The following CSMD1 variants were observed in gnomAD, a reference collection of about 807,000 sequenced individuals.
CSMD1 encodes CUB and sushi domain-containing protein 1.
A neutral mutation model predicts 417.5 loss-of-function variants in CSMD1; 213 were observed. The observed-to-expected ratio is 0.51, with a 90% CI of 0.46 to 0.57. The LOEUF is 0.57. CSMD1 is among the 20% of genes least tolerant of loss of function. The pLI, the probability that CSMD1 is intolerant of heterozygous loss-of-function variation, is 0.00. For synonymous variants in CSMD1, 2,862 were observed against 1,736.8 expected (o/e 1.65, Z -16.11); for missense variants, 6,923 against 4,529.7 (o/e 1.53, Z -15.17).
At chr8:3,543,747 G>A (rs1798540947) in intron 10 of CSMD1, among the ~76,000 whole-genome samples, 1 of 152,178 alleles carries the variant, frequency 6.6e-6, no homozygotes, top group South Asian at 2.1e-4. Context: ...TGAGATGTCT[G>A]TTGGACACTT....
intron 7 of CSMD1, among the ~76,000 whole-genome samples, chr8:3,644,458 C>A (rs562194081): frequency 1.4e-4 from 22 of 152,240 alleles, no homozygotes; most frequent in African/African-American, 5.3e-4. Flanking sequence ...GAAAAGAGAG[C>A]AACTCTATGT....
intron 3 of CSMD1, among the ~76,000 whole-genome samples, chr8:4,092,179 C>G (rs893749383): frequency 1.3e-5 from 2 of 152,126 alleles, no homozygotes; most frequent in African/African-American, 4.8e-5. Flanking sequence ...ATTTCAAAAT[C>G]CATTGAAATT....
At chr8:4,252,179 G>A (rs555102399) in intron 3 of CSMD1, among the ~76,000 whole-genome samples, 1 of 152,210 alleles carries the variant, frequency 6.6e-6, no homozygotes, top group African/African-American at 2.4e-5. Flanking sequence ...GCTGGGGTGG[G>A]GAGATGGATA....
intron 3 of CSMD1, among the ~76,000 whole-genome samples, chr8:4,199,387 G>T (rs1389204820): frequency 1.3e-5 from 2 of 152,118 alleles, no homozygotes; most frequent in African/African-American, 4.8e-5. Context: ...ATAGTGTGGT[G>T]GAGTGAAAAG....
chr8:4,275,838 T>C (rs1796454140), intron 3 of CSMD1, among the ~76,000 whole-genome samples: 1 of 152,230 alleles, frequency 6.6e-6, no homozygotes, highest in East Asian at 1.9e-4. Flanking sequence ...GATATTGTTA[T>C]ATTTTATATG....
intron 20 of CSMD1, among the ~76,000 whole-genome samples, chr8:3,365,195 G>C (rs115515968): frequency 9.2e-4 from 140 of 152,322 alleles, no homozygotes; most frequent in African/African-American, 3.2e-3. Flanking sequence ...AAAGTGGCAA[G>C]TTTCATGATT....
At chr8:3,233,801 C>A (rs946138769) in intron 26 of CSMD1, among the ~76,000 whole-genome samples, 1 of 152,140 alleles carries the variant, frequency 6.6e-6, no homozygotes, top group African/African-American at 2.4e-5. Flanking sequence ...TGAAGGTACA[C>A]CCATCCAGAG....
At chr8:3,874,205 C>G (rs1050749587) in intron 5 of CSMD1, among the ~76,000 whole-genome samples, 9 of 152,090 alleles carry the variant, frequency 5.9e-5, no homozygotes, top group African/African-American at 1.4e-4. Flanking sequence ...ATGGAGAAGA[C>G]CTTCCTAACC....
rs1797659360 is a variant in CSMD1 at position 3,212,332 on chromosome 8, C to T, written c.4867+2165G>A. 2.0e-5 allele frequency among the ~76,000 whole-genome samples: 3 copies of T among 152,118 alleles called. No individual in the cohort carries two copies. In the South Asian group the frequency reaches 6.2e-4, roughly 32 times the overall value. On this transcript the variant is annotated intron_variant, in intron 30 of 69. Transcript: ENST00000635120. ...TAGAAAGGACTGATGCATAACCTGG[C>T]CTATGATCACGATTTTAAAACACAA...
chr8:4,389,417 C>T (rs190730038), intron 3 of CSMD1, among the ~76,000 whole-genome samples: 260 of 152,064 alleles, frequency 1.7e-3, no homozygotes, highest in South Asian at 3.1e-3. Context: ...TAGAAACATA[C>T]GAAAATCTCA....
intron 33 of CSMD1, 29 bp from the exon 34 acceptor site, chr8:3,190,144 C>T (rs1796325035): frequency 6.5e-7 from 1 of 1,542,346 alleles, no homozygotes; most frequent in South Asian, 1.2e-5. Context: ...ACACAGCCGT[C>T]TGTATCTCCA....
chr8:3,998,563 A>C (rs1406857780), intron 4 of CSMD1, among the ~76,000 whole-genome samples: 4 of 152,200 alleles, frequency 2.6e-5, no homozygotes, highest in Non-Finnish European at 5.9e-5. Context: ...TATTTTCCAT[A>C]AATTTGGGAT....
intron 26 of CSMD1, among the ~76,000 whole-genome samples, chr8:3,256,194 G>T (rs2117060527): frequency 6.6e-6 from 1 of 152,140 alleles, no homozygotes; most frequent in East Asian, 1.9e-4. Flanking sequence ...TGGGCGTGGT[G>T]GTGGCACCTG....
chr8:4,257,561 A>G (rs1302571335), intron 3 of CSMD1, among the ~76,000 whole-genome samples: 1 of 152,228 alleles, frequency 6.6e-6, no homozygotes, highest in Non-Finnish European at 1.5e-5. Context: ...TTTTAAAATA[A>G]GAAATAGAGA....
chr8:4,288,197 G>A (rs1797166507), intron 3 of CSMD1, among the ~76,000 whole-genome samples: 1 of 152,092 alleles, frequency 6.6e-6, no homozygotes, highest in Non-Finnish European at 1.5e-5. Flanking sequence ...TACTGGTACT[G>A]CAGTGGATGG....
At chr8:3,242,793 G>C (rs1467161709) in intron 26 of CSMD1, among the ~76,000 whole-genome samples, 1 of 147,592 alleles carries the variant, frequency 6.8e-6, no homozygotes, top group Non-Finnish European at 1.5e-5. Context: ...AGACAAGCGG[G>C]AAAGGGGTTG....
chr8:3,510,980 C>A (rs930609228), intron 10 of CSMD1, among the ~76,000 whole-genome samples: 3 of 151,684 alleles, frequency 2.0e-5, no homozygotes, highest in African/African-American at 4.9e-5. Flanking sequence ...GGAATGAACC[C>A]AAAGGCCCAT....
intron 12 of CSMD1, among the ~76,000 whole-genome samples, chr8:3,462,788 C>A (rs1001010478): frequency 4.0e-5 from 6 of 151,000 alleles, no homozygotes; most frequent in South Asian, 4.2e-4. Context: ...GCCAAAAAGG[C>A]TGGGGACTCT....
intron 1 of CSMD1, among the ~76,000 whole-genome samples, chr8:4,971,586 CCA>C (rs1340538271): frequency 2.6e-4 from 39 of 151,784 alleles, no homozygotes; most frequent in African/African-American, 9.2e-4. Flanking sequence ...GCTATGTTTA[CCA>C]CACATTCAAA....
Sources: allele counts gnomAD v4.1 joint callset (sites outside exome capture counted in the v4.1 genomes callset), GRCh38; gene constraint gnomAD v4.1.1; transcripts MANE v1.5; gene names NCBI Gene and HGNC (gene_info 2026-07-23, HGNC 2026-07-21).